ABHD2: variants seen among roughly 807,000 people sequenced by gnomAD.
ABHD2 encodes the protein abhydrolase domain containing 2, acylglycerol lipase, also known as monoacylglycerol lipase ABHD2.
ABHD2 carries 20 observed loss-of-function variants against 48.1 expected under a neutral mutation model. That is an observed-to-expected ratio of 0.42 (90% CI 0.29 to 0.60). ABHD2 has a LOEUF of 0.60. Ranked by LOEUF, ABHD2 falls within the 20% of genes least tolerant of loss-of-function variation. The probability of loss-of-function intolerance (pLI) is 0.24; values close to 1 mark genes in which losing one functional copy is unlikely to be tolerated. For missense variants in ABHD2, 405 were observed against 550.9 expected, an observed-to-expected ratio of 0.74 and a Z score of 2.65; for synonymous variants, 209 against 214.2, an observed-to-expected ratio of 0.98 and a Z score of 0.21.
chr15:89,088,955 C>T lies in ABHD2; in HGVS notation c.-107+392C>T, dbSNP rs1235065160. 6.6e-6 allele frequency among the ~76,000 whole-genome samples: 1 copy of T among 152,228 alleles called. No homozygotes were observed. Among genetic ancestry groups the T allele is most frequent in the African/African-American group, 2.4e-5 (1 of 41,454 alleles). ...CACCTGGAAGGAGAGGGCCGAGGGG[C>T]CTGATTACAGCCCGAGATACCCGAG... On this transcript the variant is annotated intron_variant, in intron 1 of 10. Transcript: ENST00000352732. The surrounding 1 kb of genome is among the most constrained non-coding windows in gnomAD (Gnocchi z 6.8).
intron 5 of ABHD2, among the ~76,000 whole-genome samples, chr15:89,172,726 T>A (rs2050950719): frequency 6.6e-6 from 1 of 152,210 alleles, no homozygotes; most frequent in African/African-American, 2.4e-5. Flanking sequence ...CTCTACGAAG[T>A]CTTTACTCTT....
chr15:89,061,144 TG>T, the ABHD2 span, among the ~76,000 whole-genome samples: 2 of 152,022 alleles, frequency 1.3e-5, no homozygotes, highest in African/African-American at 4.8e-5. Context: ...GGGCCGGGCA[TG>T]GTGGCTCACG....
At position 89,106,010 on chromosome 15, in the gene ABHD2, G is replaced by T. The variant is rs1255407391; in HGVS notation, c.-106-7715G>T. ...AGCCACTGTGCCCAGCCGAGAGGTGGTCTTTTAAAACCCAGAGTATTGGCC... is the reference window on the plus strand; with the variant it reads ...AGCCACTGTGCCCAGCCGAGAGGTGTTCTTTTAAAACCCAGAGTATTGGCC... On this transcript the variant is annotated intron_variant, in intron 1 of 10. Transcript: ENST00000352732. The surrounding 1 kb of genome is among the most constrained non-coding windows in gnomAD (Gnocchi z 4.2). Among the ~76,000 whole-genome samples the T allele has an allele frequency of 1.3e-5, 2 of 152,144 alleles. No individual in the cohort carries two copies. Among genetic ancestry groups the T allele is most frequent in the Admixed American group, 6.5e-5 (1 of 15,278 alleles).
the ABHD2 span, among the ~76,000 whole-genome samples, chr15:89,081,462 A>G: frequency 6.6e-6 from 1 of 152,214 alleles, no homozygotes; most frequent in Non-Finnish European, 1.5e-5. Context: ...TGGCATACAA[A>G]TCAAATGTAA....
chr15:89,107,795 A>G (rs1367372127), intron 1 of ABHD2, among the ~76,000 whole-genome samples: 1 of 152,026 alleles, frequency 6.6e-6, no homozygotes, highest in Non-Finnish European at 1.5e-5. Flanking sequence ...TTTCCTTGAG[A>G]GGTATTTGCC....
chr15:89,132,869 A>T (rs2050241987), intron 3 of ABHD2, among the ~76,000 whole-genome samples: 1 of 152,166 alleles, frequency 6.6e-6, no homozygotes, highest in Non-Finnish European at 1.5e-5. Flanking sequence ...TTTCTCAAGG[A>T]TGGAGTTGTT....
chr15:89,051,163 G>T, the ABHD2 span, among the ~76,000 whole-genome samples: 4 of 152,170 alleles, frequency 2.6e-5, no homozygotes, highest in African/African-American at 9.7e-5. Context: ...AACCCAGGAG[G>T]CGGAGGTTGC....
intron 6 of ABHD2, among the ~76,000 whole-genome samples, chr15:89,178,691 A>G (rs2051057594): frequency 6.6e-6 from 1 of 152,234 alleles, no homozygotes; most frequent in African/African-American, 2.4e-5. Flanking sequence ...GGAGGGACAC[A>G]GATGCCCTGA....
In ABHD2 at chr15:89,174,270, A is replaced by G. The variant is rs1326292373; in HGVS notation, c.539-1542A>G. On this transcript the variant is annotated intron_variant, in intron 5 of 10. Coordinates refer to ENST00000352732, the MANE Select transcript of ABHD2 (RefSeq NM_152924.5). The surrounding 1 kb of genome is among the most constrained non-coding windows in gnomAD (Gnocchi z 4.1). ...TACCACTGGTATTTTTAAAAAGAAT[A>G]TAGGAAACTTACCTTTCACTCCATC... 6.6e-6 allele frequency among the ~76,000 whole-genome samples: 1 copy of G among 152,234 alleles called. No individual in the cohort carries two copies. Among genetic ancestry groups the G allele is most frequent in the African/African-American group, 2.4e-5 (1 of 41,458 alleles).
At chr15:89,066,880 A>G in the ABHD2 span, among the ~76,000 whole-genome samples, 1 of 152,216 alleles carries the variant, frequency 6.6e-6, no homozygotes, top group Non-Finnish European at 1.5e-5. Context: ...CAGCTGTGTT[A>G]GTCGTCCTTT....
the ABHD2 span, among the ~76,000 whole-genome samples, chr15:89,046,613 G>T: frequency 6.6e-6 from 1 of 151,826 alleles, no homozygotes; most frequent in Non-Finnish European, 1.5e-5. Flanking sequence ...ACTTCTTCCT[G>T]GTTTAGTCTT....
Position 89,094,828 on chromosome 15 carries a change from C to T in ABHD2, c.-107+6265C>T, listed in dbSNP as rs556949744. On this transcript the variant is annotated intron_variant, in intron 1 of 10. Coordinates refer to ENST00000352732, the MANE Select transcript of ABHD2 (RefSeq NM_152924.5). The surrounding 1 kb of genome is among the most constrained non-coding windows in gnomAD (Gnocchi z 4.7). ...CTGTAATCCCAGTACTTTGAGAGGCCGAGGCAGGCGGATCACTTGAGACCA... is the reference window on the plus strand; with the variant it reads ...CTGTAATCCCAGTACTTTGAGAGGCTGAGGCAGGCGGATCACTTGAGACCA... 1.4e-4 allele frequency among the ~76,000 whole-genome samples: 22 copies of T among 151,970 alleles called. No homozygotes were observed. The South Asian group carries it at 3.9e-3, about 27-fold the overall frequency.
At chr15:89,143,497 G>T (rs756084569) in intron 3 of ABHD2, among the ~76,000 whole-genome samples, 1 of 152,070 alleles carries the variant, frequency 6.6e-6, no homozygotes, top group Admixed American at 6.6e-5. Context: ...GAGAAACCCC[G>T]TCTGTACTAA....
chr15:89,068,476 T>C, the ABHD2 span, among the ~76,000 whole-genome samples: 3 of 152,086 alleles, frequency 2.0e-5, no homozygotes, highest in African/African-American at 7.2e-5. Context: ...TTCACCCACA[T>C]GTCTGGTGGT....
intron 1 of ABHD2, among the ~76,000 whole-genome samples, chr15:89,109,616 A>G (rs545526764): frequency 1.2e-4 from 19 of 152,252 alleles, no homozygotes; most frequent in African/African-American, 4.3e-4. Flanking sequence ...CACACAAAAT[A>G]ATACAATGGA....
rs2050634049 is a variant in ABHD2 at position 89,154,111 on chromosome 15, G to A, written c.371-1256G>A. On this transcript the variant is annotated intron_variant, in intron 4 of 10. Coordinates refer to ENST00000352732, the MANE Select transcript of ABHD2 (RefSeq NM_152924.5). ...TTATAAAGAGATGGAGTCTTGCTGT[G>A]TTGCCCTGTTTAGAGGTACAGTGAC... Among the ~76,000 whole-genome samples, 3 of 152,158 alleles carry A rather than the reference G, an allele frequency of 2.0e-5. No individual in the cohort carries two copies. In the South Asian group the frequency reaches 6.2e-4, roughly 32 times the overall value.
At chr15:89,105,432 T>C (rs1426969857) in intron 1 of ABHD2, among the ~76,000 whole-genome samples, 1 of 152,250 alleles carries the variant, frequency 6.6e-6, no homozygotes, top group Non-Finnish European at 1.5e-5. Flanking sequence ...TTCCAGCAGA[T>C]TGAGTGTGTG....
At position 89,120,181 on chromosome 15, in the gene ABHD2, T is replaced by C. The variant is rs1045879501; in HGVS notation, c.194+3660T>C. On this transcript the variant is annotated intron_variant, in intron 3 of 10. Coordinates refer to ENST00000352732, the MANE Select transcript of ABHD2 (RefSeq NM_152924.5). The surrounding 1 kb of genome is among the most constrained non-coding windows in gnomAD (Gnocchi z 4.2). ...GTCAATTTGAAAATCTGTTCTAAGA[T>C]GATTTACCCAAAGATACATTATAAA... Among the ~76,000 whole-genome samples, 1 of 152,222 alleles carries C rather than the reference T, an allele frequency of 6.6e-6. No individual in the cohort carries two copies. The highest frequency in any genetic ancestry group is 6.5e-5 in the Admixed American group (1 of 15,280).
chr15:89,049,613 C>T, the ABHD2 span, among the ~76,000 whole-genome samples: 1,044 of 152,336 alleles, frequency 6.9e-3, 6 homozygotes, highest in Admixed American at 0.013. Flanking sequence ...TTAAGCCCGT[C>T]GGAAAAGCGC....
Sources: gnomAD v4.1 joint callset for allele counts (sites outside exome capture counted in the v4.1 genomes callset) on GRCh38, gnomAD v4.1.1 for gene constraint, Gnocchi (gnomAD v3.1) non-coding constraint, MANE v1.5 for transcripts, NCBI Gene and HGNC (gene_info 2026-07-23, HGNC 2026-07-21) for gene names.